LRRC40: variants seen among roughly 807,000 people sequenced by gnomAD.
LRRC40 encodes the protein leucine-rich repeat-containing protein 40.
In LRRC40, 76 loss-of-function variants were observed where a neutral mutation model predicts 72.8. The observed-to-expected ratio is 1.04, with a 90% CI of 0.87 to 1.26. The LOEUF (loss-of-function observed/expected upper bound fraction) is 1.26, where lower values mean the gene tolerates loss of function less well. Ranked by LOEUF, LRRC40 falls within the 50% of genes most tolerant of loss-of-function variation. The pLI is 0.00. For synonymous variants in LRRC40, 243 were observed against 254.2 expected (o/e 0.96, Z 0.42); for missense variants, 684 against 698.9 (o/e 0.98, Z 0.24).
Position 70,173,453 on chromosome 1 carries a change from A to G in LRRC40, c.1111+12T>C. 6.3e-7 allele frequency: 1 copy of G among 1,575,752 alleles called. No homozygotes were observed. The highest frequency in any genetic ancestry group is 8.7e-7 in the Non-Finnish European group (1 of 1,146,710). ...TGAATCCTTCAAAATATAAGAGAAC[A>G]TTTTAAAGTACCTTTGATCTTGCTT... On this transcript the variant is annotated intron_variant, in intron 9 of 14. Transcript: ENST00000370952.
chr1:70,169,999 C>G lies in LRRC40; in HGVS notation c.1111+3466G>C, dbSNP rs1345180482. 2.0e-5 allele frequency among the ~76,000 whole-genome samples: 3 copies of G among 152,056 alleles called. No individual in the cohort carries two copies. In the East Asian group the frequency reaches 5.8e-4, roughly 29 times the overall value. ...AAGAAAACAACAGATGAATAACTCT[C>G]AAATTCTCAACAAAACACTAAAAAA... On this transcript the variant is annotated intron_variant, in intron 9 of 14. Coordinates refer to ENST00000370952, the MANE Select transcript of LRRC40 (RefSeq NM_017768.5).
intron 13 of LRRC40, among the ~76,000 whole-genome samples, chr1:70,150,781 T>C (rs1373168218): frequency 6.6e-6 from 1 of 152,208 alleles, no homozygotes; most frequent in Admixed American, 6.5e-5. Context: ...CAAATGTCTA[T>C]TTTTCAAACC....
At chr1:70,191,336 C>T (rs1668495853) in intron 1 of LRRC40, among the ~76,000 whole-genome samples, 1 of 151,898 alleles carries the variant, frequency 6.6e-6, no homozygotes, top group African/African-American at 2.4e-5. Context: ...GGCCATTATA[C>T]CTAAAAAGCA....
chr1:70,173,546 T>C (rs1480908314), intron 8 of LRRC40, 36 bp from the exon 9 acceptor site: 21 of 1,559,280 alleles, frequency 1.3e-5, no homozygotes, highest in Non-Finnish European at 1.9e-5. Flanking sequence ...CACCAAGACA[T>C]GCTTTGCAGT....
intron 9 of LRRC40, among the ~76,000 whole-genome samples, chr1:70,172,312 C>G (rs946661018): frequency 1.3e-5 from 2 of 152,148 alleles, no homozygotes; most frequent in African/African-American, 4.8e-5. Context: ...GTAGCCCAAA[C>G]TGACTAAACA....
intron 9 of LRRC40, among the ~76,000 whole-genome samples, chr1:70,165,568 T>C (rs1413455106): frequency 6.6e-6 from 1 of 152,122 alleles, no homozygotes; most frequent in Non-Finnish European, 1.5e-5. Flanking sequence ...TTTACCAGCA[T>C]CCTTTGAATC....
chr1:70,192,838 G>A (rs192451740), intron 1 of LRRC40, among the ~76,000 whole-genome samples: 262 of 152,012 alleles, frequency 1.7e-3, no homozygotes, highest in Middle Eastern at 0.01. Flanking sequence ...GGAGGGAGAG[G>A]ATCAGAAAAA....
chr1:70,157,032 T>C (rs1009687785), intron 10 of LRRC40, among the ~76,000 whole-genome samples: 3 of 152,188 alleles, frequency 2.0e-5, no homozygotes, highest in African/African-American at 7.2e-5. Flanking sequence ...TCTTTTAAAA[T>C]TATTAGTGCT....
intron 9 of LRRC40, among the ~76,000 whole-genome samples, chr1:70,160,328 T>C (rs1473135119): frequency 6.6e-6 from 1 of 152,190 alleles, no homozygotes; most frequent in Non-Finnish European, 1.5e-5. Flanking sequence ...TAAGTATATT[T>C]CTCTTGCATT....
chr1:70,203,262 A>G (rs1431641929), intron 1 of LRRC40, among the ~76,000 whole-genome samples: 2 of 152,208 alleles, frequency 1.3e-5, no homozygotes, highest in Admixed American at 1.3e-4. Flanking sequence ...AGACTTTTGT[A>G]TGCTGTGCTA....
rs573264072 is a variant in LRRC40 at position 70,175,988 on chromosome 1, A to T, written c.805-6T>A. ...TTTTCACCTACGTGCAATTCCTACA[A>T]AATCAAAGATGAGTTATGTGTATCT... On this transcript the variant is annotated splice_region_variant and splice_polypyrimidine_tract_variant and intron_variant, in intron 6 of 14. Transcript: ENST00000370952. 1 of 1,537,456 alleles carries T rather than the reference A, an allele frequency of 6.5e-7. No homozygotes were observed. The highest frequency in any genetic ancestry group is 1.3e-5 in the South Asian group (1 of 78,256).
chr1:70,189,394 T>A, intron 1 of LRRC40, 121 bp from the exon 2 acceptor site: 1 of 813,568 alleles, frequency 1.2e-6, no homozygotes, highest in East Asian at 2.7e-5. Context: ...AAAAACATTT[T>A]CTAAAACAAA....
At chr1:70,180,215 T>A (rs1379119769) in intron 5 of LRRC40, 2 of 152,186 alleles carry the variant, frequency 1.3e-5, no homozygotes, top group African/African-American at 4.8e-5. Context: ...CCACTATTGA[T>A]CAGATGGGAG....
chr1:70,144,985 T>TAATC lies in LRRC40; in HGVS notation c.*811_*814dup, dbSNP rs1450177254. ...ATCATATGGTAAGTGTTATAATGAC[T>TAATC]AATCAACCTACTTCTGATAATTTTG... On this transcript the variant is annotated 3_prime_UTR_variant, in exon 15 of 15. Coordinates refer to ENST00000370952, the MANE Select transcript of LRRC40 (RefSeq NM_017768.5). 1.3e-5 allele frequency: 2 copies of TAATC among 152,172 alleles called. No homozygotes were observed. Among genetic ancestry groups the TAATC allele is most frequent in the Admixed American group, 1.3e-4 (2 of 15,270 alleles). The allele number at this position is 152,172 out of a possible 1,614,324, so 9.4% of individuals were successfully genotyped here. A position where few individuals can be genotyped will look rare whatever the true frequency, so the allele number is the denominator to read the frequency against.
chr1:70,162,491 T>C (rs1667787632), intron 9 of LRRC40, among the ~76,000 whole-genome samples: 1 of 152,206 alleles, frequency 6.6e-6, no homozygotes, highest in South Asian at 2.1e-4. Flanking sequence ...CCCAGCAATC[T>C]GGTTCACCAA....
intron 11 of LRRC40, among the ~76,000 whole-genome samples, chr1:70,153,190 G>A (rs915165119): frequency 2.0e-5 from 3 of 151,850 alleles, no homozygotes; most frequent in Admixed American, 6.6e-5. Context: ...GTGAAACTCC[G>A]CCTCTACTAA....
rs116412606 is a variant in LRRC40, at chr1:70,169,411, T to C, written c.1111+4054A>G. Among the ~76,000 whole-genome samples, 953 of 151,852 alleles carry C rather than the reference T, an allele frequency of 6.3e-3. 14 individuals are homozygous for C. Among genetic ancestry groups the C allele is most frequent in the African/African-American group, 0.021 (874 of 41,408 alleles). ...TGGCCCCAGTCAGTCACAACTGCAA[T>C]AGAAACCTAAACCAATTAGAAGGAA... On this transcript the variant is annotated intron_variant, in intron 9 of 14. Transcript: ENST00000370952.
intron 9 of LRRC40, among the ~76,000 whole-genome samples, chr1:70,164,010 G>A (rs1025952512): frequency 6.6e-6 from 1 of 152,118 alleles, no homozygotes. Flanking sequence ...CTCTGGTGGG[G>A]GCGCTCTTGC....
intron 12 of LRRC40, 41 bp from the exon 13 acceptor site, chr1:70,151,246 A>G: frequency 1.1e-6 from 1 of 934,358 alleles, no homozygotes; most frequent in African/African-American, 1.7e-5. Context: ...AAAGTTTGAA[A>G]AATTTTACAA....
Sources: gnomAD v4.1 joint callset for allele counts (sites outside exome capture counted in the v4.1 genomes callset) on GRCh38, gnomAD v4.1.1 for gene constraint, MANE v1.5 for transcripts, NCBI Gene and HGNC (gene_info 2026-07-23, HGNC 2026-07-21) for gene names.